Variants in CHN2 observed in about 807,000 individuals in gnomAD.
The protein encoded by CHN2 is chimerin 2, also known as beta-chimaerin.
In CHN2, 35 loss-of-function variants were observed where a neutral mutation model predicts 56.3. The ratio of observed to expected loss-of-function variants is 0.62; its 90% CI spans 0.47 to 0.82. The LOEUF is 0.82. Ranked by LOEUF, CHN2 falls within the 40% of genes least tolerant of loss-of-function variation. The probability of loss-of-function intolerance (pLI) is 0.00; values close to 1 mark genes in which losing one functional copy is unlikely to be tolerated. For missense variants in CHN2, 491 were observed against 580.5 expected, an observed-to-expected ratio of 0.85 and a Z score of 1.58; for synonymous variants, 210 against 212.8, an observed-to-expected ratio of 0.99 and a Z score of 0.12.
chr7:29,503,475 G>A (rs1790201012), intron 9 of CHN2, among the ~76,000 whole-genome samples: 1 of 152,206 alleles, frequency 6.6e-6, no homozygotes, highest in African/African-American at 2.4e-5. Context: ...TCTTAGAACA[G>A]GATGACCCAC....
At chr7:29,460,960 A>G (rs1585475402) in intron 6 of CHN2, among the ~76,000 whole-genome samples, 1 of 152,154 alleles carries the variant, frequency 6.6e-6, no homozygotes, top group Non-Finnish European at 1.5e-5. Flanking sequence ...AGAAATAGTA[A>G]TTGGTCTTGT....
chr7:29,171,434 TAGA>T (rs1415615575), intron 2 of CHN2, among the ~76,000 whole-genome samples: 4 of 152,168 alleles, frequency 2.6e-5, no homozygotes, highest in African/African-American at 7.2e-5. Flanking sequence ...CTGAACTTGT[TAGA>T]AGGAGCGCCA....
At chr7:29,375,991 A>G (rs1482753695) in intron 3 of CHN2, among the ~76,000 whole-genome samples, 1 of 152,232 alleles carries the variant, frequency 6.6e-6, no homozygotes, top group African/African-American at 2.4e-5. Context: ...ACTGAGAAAT[A>G]ATGCTGATAA....
intron 1 of CHN2, among the ~76,000 whole-genome samples, chr7:29,298,957 A>C (rs138497021): frequency 6.6e-6 from 1 of 152,362 alleles, no homozygotes; most frequent in African/African-American, 2.4e-5. Context: ...CATAAAGTGC[A>C]GCAAGGATAA....
intron 1 of CHN2, among the ~76,000 whole-genome samples, chr7:29,199,287 C>T (rs975106765): frequency 1.4e-4 from 22 of 152,168 alleles, no homozygotes; most frequent in African/African-American, 5.3e-4. Flanking sequence ...TTATGTATGT[C>T]TAACTAGAAA....
intron 1 of CHN2, among the ~76,000 whole-genome samples, chr7:29,341,503 A>G (rs537621111): frequency 4.6e-5 from 7 of 152,072 alleles, no homozygotes; most frequent in African/African-American, 1.4e-4. Flanking sequence ...TAGTATCTCT[A>G]TTGACAATGA....
intron 9 of CHN2, among the ~76,000 whole-genome samples, chr7:29,503,251 C>T (rs1790174117): frequency 6.6e-6 from 1 of 152,216 alleles, no homozygotes. Flanking sequence ...CGCTCTCTCA[C>T]TCTCCATGCA....
At chr7:29,502,887 T>C (rs1790130339) in intron 9 of CHN2, among the ~76,000 whole-genome samples, 1 of 152,086 alleles carries the variant, frequency 6.6e-6, no homozygotes, top group Non-Finnish European at 1.5e-5. Flanking sequence ...GTCCTAATGC[T>C]CTCCTTCCCC....
chr7:29,301,831 A>C (rs924853402), intron 1 of CHN2, among the ~76,000 whole-genome samples: 4 of 152,192 alleles, frequency 2.6e-5, no homozygotes, highest in Non-Finnish European at 5.9e-5. Flanking sequence ...TCCATGTTTG[A>C]GTTTTTTGGT....
At chr7:29,401,096 G>A (rs940359462) in intron 6 of CHN2, 26 of 373,468 alleles carry the variant, frequency 7.0e-5, no homozygotes, top group South Asian at 4.1e-4. Context: ...GTGAAACCCC[G>A]TCTCTACAAA....
At chr7:29,389,566 TG>T (rs1462763545) in intron 3 of CHN2, among the ~76,000 whole-genome samples, 1 of 152,090 alleles carries the variant, frequency 6.6e-6, no homozygotes, top group Non-Finnish European at 1.5e-5. Flanking sequence ...CAGTCCACAC[TG>T]GTCATTTTGA....
chr7:29,344,358 C>G (rs1391243323), intron 1 of CHN2, among the ~76,000 whole-genome samples: 1 of 152,168 alleles, frequency 6.6e-6, no homozygotes, highest in Non-Finnish European at 1.5e-5. Flanking sequence ...TTTCCCTGCC[C>G]TTTAGAAGAG....
At chr7:29,360,062 C>T (rs1053982172) in intron 2 of CHN2, among the ~76,000 whole-genome samples, 5 of 152,190 alleles carry the variant, frequency 3.3e-5, no homozygotes, top group African/African-American at 1.2e-4. Context: ...CAGCCTTACC[C>T]CAGATCTCTG....
At chr7:29,346,396 G>A (rs576214163) in intron 1 of CHN2, among the ~76,000 whole-genome samples, 165 of 152,292 alleles carry the variant, frequency 1.1e-3, no homozygotes, top group African/African-American at 3.9e-3. Flanking sequence ...AACAAATTCT[G>A]AACTGTCATC....
chr7:29,425,196 G>A (rs1294122142), intron 6 of CHN2, among the ~76,000 whole-genome samples: 1 of 152,214 alleles, frequency 6.6e-6, no homozygotes, highest in Non-Finnish European at 1.5e-5. Context: ...GAGGCCATAT[G>A]GCACTTCAGA....
chr7:29,295,135 T>C (rs190817345), intron 1 of CHN2, among the ~76,000 whole-genome samples: 7 of 152,330 alleles, frequency 4.6e-5, no homozygotes, highest in Admixed American at 3.3e-4. Context: ...GTAAATGCTA[T>C]GTAAATAGTT....
At chr7:29,504,917 A>T in intron 10 of CHN2, 96 bp downstream of exon 10, 2 of 809,196 alleles carry the variant, frequency 2.5e-6, no homozygotes, top group Non-Finnish European at 4.1e-6. Flanking sequence ...TTTCAGAACT[A>T]CTAAGAGTTG....
At chr7:29,213,328 G>A (rs1400027470) in intron 1 of CHN2, 7 of 705,574 alleles carry the variant, frequency 9.9e-6, no homozygotes, top group Non-Finnish European at 2.6e-6. Flanking sequence ...ATGTGTTCTG[G>A]CTTCCATTAT....
chr7:29,383,581 C>T (rs1176281392), intron 3 of CHN2, among the ~76,000 whole-genome samples: 4 of 152,144 alleles, frequency 2.6e-5, no homozygotes, highest in African/African-American at 4.8e-5. Flanking sequence ...CTGGGAATCC[C>T]GTGGCCCCCA....
Sources: allele counts gnomAD v4.1 joint callset (sites outside exome capture counted in the v4.1 genomes callset), GRCh38; gene constraint gnomAD v4.1.1; transcripts MANE v1.5; gene names NCBI Gene and HGNC (gene_info 2026-07-23, HGNC 2026-07-21).